ANK1: variants seen among roughly 807,000 people sequenced by gnomAD.
ANK1 encodes ankyrin-1.
Under a neutral mutation model 210.4 loss-of-function variants are expected in ANK1, and 51 were observed. The ratio of observed to expected loss-of-function variants is 0.24; its 90% CI spans 0.19 to 0.31. The LOEUF (loss-of-function observed/expected upper bound fraction) is 0.31, where lower values mean the gene tolerates loss of function less well. ANK1 is among the 10% of genes least tolerant of loss of function. The pLI is 1.00. For missense variants in ANK1, 2,051 were observed against 2,504.4 expected (o/e 0.82, Z 3.86); for synonymous variants, 967 against 1,025.9 (o/e 0.94, Z 1.10).
chr8:41,771,355 T>C lies in ANK1; in HGVS notation c.28-13218A>G, dbSNP rs1160525745. Among the ~76,000 whole-genome samples, 3 of 152,090 alleles carry C rather than the reference T, an allele frequency of 2.0e-5. No individual in the cohort carries two copies. The East Asian group carries it at 5.8e-4, about 29-fold the overall frequency. Reference sequence around the variant, plus strand: ...GCCCTAGGGATTCAGAAAGCTAAACTATTGTTCTTTTCCCCATAACTGACT... The same window carrying C: ...GCCCTAGGGATTCAGAAAGCTAAACCATTGTTCTTTTCCCCATAACTGACT... On this transcript the variant is annotated intron_variant, in intron 1 of 42. Coordinates refer to ENST00000289734, the MANE Select transcript of ANK1 (RefSeq NM_000037.4).
Position 41,696,728 on chromosome 8 carries a change from C to A in ANK1, c.2683G>T (p.Ala895Ser). ...CTGATGTTGTCTGAGGTCTCGGTGG[C>A]CGGGCTGCTGGGGATGAGGGAGTCC... Reference protein sequence around the residue: ...DEDSLIPSSPATETSDNISPV... With the variant: ...DEDSLIPSSPSTETSDNISPV... Residue 895 changes from alanine (A) to serine (S), a missense_variant, in exon 25 of 43, where the codon GCC becomes TCC. By Grantham distance (99) the Ala-to-Ser change is moderately conservative. Around this residue, in one of 6 missense-constraint regions of ANK1, gnomAD observed 1,413 missense variants for 1,707.4 expected, o/e 0.83. Transcript: ENST00000289734. 1 of 1,601,128 alleles carries A rather than the reference C, an allele frequency of 6.2e-7. No homozygotes were observed. The highest frequency in any genetic ancestry group is 8.5e-7 in the Non-Finnish European group (1 of 1,179,592).
intron 1 of ANK1, among the ~76,000 whole-genome samples, chr8:41,814,612 CAA>C (rs1291344538): frequency 3.3e-5 from 5 of 152,002 alleles, no homozygotes; most frequent in African/African-American, 9.7e-5. Context: ...AAATGGATGA[CAA>C]AGACTTAAAA....
At chr8:41,758,556 G>T (rs541634170) in intron 1 of ANK1, among the ~76,000 whole-genome samples, 55 of 151,928 alleles carry the variant, frequency 3.6e-4, no homozygotes, top group Non-Finnish European at 6.5e-4. Context: ...TGCTCAGGCT[G>T]GTCTCAAACT....
chr8:41,758,919 T>TG (rs1293739727), intron 1 of ANK1, among the ~76,000 whole-genome samples: 2 of 151,652 alleles, frequency 1.3e-5, no homozygotes, highest in African/African-American at 4.8e-5. Context: ...TTTTTAGAGA[T>TG]GGGGTCTCAC....
Position 41,758,157 on chromosome 8 carries a change from G to A in ANK1, c.28-20C>T. 2 of 1,607,110 alleles carry A rather than the reference G, an allele frequency of 1.2e-6. No homozygotes were observed. The highest frequency in any genetic ancestry group is 1.3e-5 in the African/African-American group (1 of 74,858). On this transcript the variant is annotated intron_variant, in intron 1 of 42. Transcript: ENST00000289734. ...ATCGGCCTGTGAGGAAAAACAACAG[G>A]CGGTGAGTGTCCTGGGTGTATTAAT...
intron 23 of ANK1, among the ~76,000 whole-genome samples, chr8:41,698,490 T>G (rs1821739172): frequency 6.6e-6 from 1 of 152,190 alleles, no homozygotes; most frequent in Non-Finnish European, 1.5e-5. Context: ...CAAATTCAAA[T>G]GGAGTAAATG....
chr8:41,693,228 G>C, intron 29 of ANK1, 27 bp from the exon 30 acceptor site: 7 of 1,532,198 alleles, frequency 4.6e-6, no homozygotes, highest in South Asian at 1.1e-5. Context: ...AATGGGGCTG[G>C]GGACAGTCTT....
chr8:41,749,722 C>T (rs375516581), intron 2 of ANK1, among the ~76,000 whole-genome samples: 6 of 152,240 alleles, frequency 3.9e-5, no homozygotes, highest in East Asian at 3.9e-4. Flanking sequence ...AAGTGATTCT[C>T]TTGCCTCAGC....
At chr8:41,841,184 T>C (rs1381023867) in intron 1 of ANK1, among the ~76,000 whole-genome samples, 1 of 152,098 alleles carries the variant, frequency 6.6e-6, no homozygotes, top group Admixed American at 6.5e-5. Flanking sequence ...ATTGAGAAAA[T>C]ATGGTCTATC....
chr8:41,700,343 C>G, intron 22 of ANK1: 2 of 1,386,882 alleles, frequency 1.4e-6, no homozygotes, highest in Non-Finnish European at 2.0e-6. Context: ...AGATGGAAAG[C>G]AGGAATGGAT....
chr8:41,670,565 T>A (rs1811943712), intron 38 of ANK1, among the ~76,000 whole-genome samples: 1 of 152,206 alleles, frequency 6.6e-6, no homozygotes, highest in Admixed American at 6.5e-5. Flanking sequence ...ATCCTCCCCA[T>A]GAATCCAAAG....
chr8:41,787,861 G>A (rs183615405), intron 1 of ANK1, among the ~76,000 whole-genome samples: 3 of 151,712 alleles, frequency 2.0e-5, no homozygotes, highest in Admixed American at 2.0e-4. Context: ...AGGAGAAGAG[G>A]AGGGGGAGGA....
chr8:41,791,173 G>A (rs1238738657), intron 1 of ANK1, among the ~76,000 whole-genome samples: 2 of 144,518 alleles, frequency 1.4e-5, no homozygotes, highest in African/African-American at 5.1e-5. Context: ...CCTCTTTTCA[G>A]CTTTTCTCAG....
chr8:41,730,793 G>A (rs1832011873), intron 3 of ANK1, among the ~76,000 whole-genome samples: 1 of 152,224 alleles, frequency 6.6e-6, no homozygotes, highest in Non-Finnish European at 1.5e-5. Context: ...TGGAAAAGAA[G>A]GAGGCATCCT....
intron 9 of ANK1, among the ~76,000 whole-genome samples, chr8:41,720,346 T>C (rs1828936293): frequency 6.6e-6 from 1 of 152,194 alleles, no homozygotes. Context: ...AATGAATGAA[T>C]GAATGAATGA....
At position 41,895,908 on chromosome 8, in the gene ANK1, C is replaced by A. The variant is rs928344271; in HGVS notation, c.126+447G>T. The stretch of plus-strand genomic sequence containing the variant: ...GAGAAGCCGGGCAGAGCTGCCCCCC[C>A]CCGGCCCGCTCCCCGGAGCCTGCAG... On this transcript the variant is annotated intron_variant, in intron 1 of 42. Transcript: ENST00000265709. Among the ~76,000 whole-genome samples, 47 of 152,014 alleles carry A rather than the reference C, an allele frequency of 3.1e-4. 3 individuals carry two copies. Among genetic ancestry groups the A allele is most frequent in the Admixed American group, 2.9e-3 (45 of 15,286 alleles).
At chr8:41,700,907 T>C (rs1822581510) in intron 22 of ANK1, among the ~76,000 whole-genome samples, 1 of 152,054 alleles carries the variant, frequency 6.6e-6, no homozygotes, top group Admixed American at 6.5e-5. Flanking sequence ...GGACTACAGA[T>C]GTGCACCACC....
At chr8:41,896,476 G>C in exon 1 of ANK1, 1 of 1,598,888 alleles carries the variant, frequency 6.3e-7, no homozygotes. Flanking sequence ...GGCCGCTTGA[G>C]CCATGGCGGG....
At chr8:41,783,163 C>A (rs1434778970) in intron 1 of ANK1, among the ~76,000 whole-genome samples, 1 of 152,198 alleles carries the variant, frequency 6.6e-6, no homozygotes, top group Non-Finnish European at 1.5e-5. Context: ...TGAACCAAGT[C>A]CTATTTCCTC....
Sources: allele counts gnomAD v4.1 joint callset (sites outside exome capture counted in the v4.1 genomes callset), GRCh38; gene constraint gnomAD v4.1.1; regional missense constraint gnomAD v4.1.1; transcripts MANE v1.5; gene names NCBI Gene and HGNC (gene_info 2026-07-23, HGNC 2026-07-21).